KAZN: variants seen among roughly 807,000 people sequenced by gnomAD.
KAZN encodes kazrin, periplakin interacting protein, also known as kazrin.
Under a neutral mutation model 87.4 loss-of-function variants are expected in KAZN, and 40 were observed. The observed-to-expected ratio is 0.46, with a 90% CI of 0.36 to 0.60. KAZN has a LOEUF of 0.60. Among genes scored for constraint, KAZN ranks in the 20% least tolerant of loss-of-function variants. The probability of loss-of-function intolerance (pLI) is 0.00; values close to 1 mark genes in which losing one functional copy is unlikely to be tolerated. For synonymous variants in KAZN, 466 were observed against 458.3 expected (o/e 1.02, Z -0.22); for missense variants, 898 against 1,073.9 (o/e 0.84, Z 2.29).
rs549700135 is a variant in KAZN at position 15,044,208 on chromosome 1, G to A, written c.726+49G>A. ...GGGCCTGGCATCTGCTAGCAGTGCC[G>A]TGCTGGGAGCCGGGACGTCTGGCAC... On this transcript the variant is annotated intron_variant, in intron 4 of 14. Coordinates refer to ENST00000376030, the MANE Select transcript of KAZN (RefSeq NM_201628.3). 3.5e-5 allele frequency: 53 copies of A among 1,497,042 alleles called. No homozygotes were observed. The South Asian group carries it at 4.4e-4, about 12-fold the overall frequency. The allele number at this position is 1,497,042 out of a possible 1,614,324, so 92.7% of individuals were successfully genotyped here.
intron 8 of KAZN, among the ~76,000 whole-genome samples, chr1:15,082,985 C>A (rs916365644): frequency 1.3e-5 from 2 of 152,306 alleles, no homozygotes; most frequent in East Asian, 3.9e-4. Flanking sequence ...GATCTAAAGA[C>A]CACTCTAGGA....
In KAZN at chr1:14,713,271, G is replaced by A. The variant is rs557977574; in HGVS notation, c.226+114048G>A. Among the ~76,000 whole-genome samples the A allele has an allele frequency of 5.9e-5, 9 of 152,268 alleles. No individual in the cohort carries two copies. In the South Asian group the frequency reaches 1.2e-3, roughly 21 times the overall value. ...TTTTCAAGCCTCTGCTTGTTCCATG[G>A]GTGCTAGCATCTCATTGGCCAAAGC... On this transcript the variant is annotated intron_variant, in intron 1 of 14. Transcript: ENST00000376030.
At chr1:14,485,083 T>C (rs1669277125) in intron 2 of KAZN, among the ~76,000 whole-genome samples, 1 of 152,134 alleles carries the variant, frequency 6.6e-6, no homozygotes, top group Non-Finnish European at 1.5e-5. Context: ...TCACTCAATC[T>C]ATCACGTATC....
chr1:14,593,709 G>A (rs970808500), upstream of KAZN, among the ~76,000 whole-genome samples: 1 of 152,186 alleles, frequency 6.6e-6, no homozygotes, highest in South Asian at 2.1e-4. Flanking sequence ...AGTAAATGTT[G>A]AATGTTAAAT....
intron 1 of KAZN, among the ~76,000 whole-genome samples, chr1:14,733,110 C>G (rs1052203920): frequency 1.3e-5 from 2 of 152,118 alleles, no homozygotes; most frequent in Admixed American, 6.5e-5. Context: ...GAGTGTTTCT[C>G]GGGGATCTGT....
At chr1:14,454,626 T>A (rs7532376) in intron 2 of KAZN, among the ~76,000 whole-genome samples, 30,560 of 152,116 alleles carry the variant, frequency 0.2, 3,391 homozygotes, top group African/African-American at 0.27. Context: ...CCAGGAAATG[T>A]TACTTGGCTG....
At chr1:15,080,800 G>A (rs879334701) in intron 8 of KAZN, among the ~76,000 whole-genome samples, 1 of 152,214 alleles carries the variant, frequency 6.6e-6, no homozygotes, top group Non-Finnish European at 1.5e-5. Context: ...GCTGAGAACA[G>A]AGGCCCCGGG....
chr1:13,940,657 G>C (rs1640895494), intron 1 of KAZN, among the ~76,000 whole-genome samples: 1 of 152,038 alleles, frequency 6.6e-6, no homozygotes, highest in Non-Finnish European at 1.5e-5. Context: ...CAATATACAG[G>C]TTAGACACAA....
chr1:15,109,647 G>A (rs545031465), intron 13 of KAZN, among the ~76,000 whole-genome samples: 20 of 29,118 alleles, frequency 6.9e-4, no homozygotes, highest in Admixed American at 1.4e-3. Flanking sequence ...ATGTGTGTTT[G>A]TATGTTTGTG....
intron 1 of KAZN, among the ~76,000 whole-genome samples, chr1:14,790,584 TTAAG>T (rs1272558278): frequency 6.6e-6 from 1 of 152,210 alleles, no homozygotes; most frequent in African/African-American, 2.4e-5. Flanking sequence ...TTTGTTAGCT[TTAAG>T]TATGTGGCAG....
At chr1:14,388,246 C>T (rs1422686290) in intron 2 of KAZN, among the ~76,000 whole-genome samples, 2 of 152,152 alleles carry the variant, frequency 1.3e-5, no homozygotes, top group Non-Finnish European at 2.9e-5. Context: ...CCCGGTACCT[C>T]AGATGGAAAT....
At chr1:15,048,500 G>A (rs986452601) in intron 4 of KAZN, among the ~76,000 whole-genome samples, 2 of 152,178 alleles carry the variant, frequency 1.3e-5, no homozygotes, top group Non-Finnish European at 2.9e-5. Context: ...TGAGCCTACC[G>A]TTGCCCCCGC....
intron 2 of KAZN, among the ~76,000 whole-genome samples, chr1:14,226,066 A>G (rs938595885): frequency 2.6e-5 from 4 of 152,116 alleles, no homozygotes; most frequent in South Asian, 2.1e-4. Context: ...ACAAAACAAC[A>G]AACAACAAAA....
intron 2 of KAZN, among the ~76,000 whole-genome samples, chr1:14,398,858 C>G (rs1469064029): frequency 1.3e-5 from 2 of 150,954 alleles, no homozygotes; most frequent in East Asian, 3.9e-4. Context: ...TCCTTTTCCT[C>G]CCCACATCCA....
At chr1:14,552,009 T>A (rs1673557730) in intron 2 of KAZN, among the ~76,000 whole-genome samples, 1 of 152,198 alleles carries the variant, frequency 6.6e-6, no homozygotes, top group South Asian at 2.1e-4. Context: ...TTCTTTCTTT[T>A]TTTCTTAATG....
intron 2 of KAZN, among the ~76,000 whole-genome samples, chr1:14,505,774 G>A (rs1014175284): frequency 9.9e-5 from 15 of 152,274 alleles, no homozygotes; most frequent in East Asian, 1.9e-4. Flanking sequence ...AGGAGTTTGC[G>A]ACCAGCCTGG....
intron 1 of KAZN, among the ~76,000 whole-genome samples, chr1:14,750,857 C>G (rs768221645): frequency 6.6e-6 from 1 of 152,182 alleles, no homozygotes; most frequent in Non-Finnish European, 1.5e-5. Context: ...ATGAGGCTAT[C>G]ACCAGAAATA....
intron 2 of KAZN, among the ~76,000 whole-genome samples, chr1:14,508,063 C>T (rs993664750): frequency 1.3e-5 from 2 of 152,094 alleles, no homozygotes; most frequent in Non-Finnish European, 2.9e-5. Context: ...TTGTGACCCC[C>T]CAGTACCCTG....
chr1:14,199,568 G>A (rs1646598216), intron 2 of KAZN, among the ~76,000 whole-genome samples: 1 of 152,218 alleles, frequency 6.6e-6, no homozygotes, highest in Non-Finnish European at 1.5e-5. Flanking sequence ...CAGGGCCCAG[G>A]TCTGTCTTGT....
Sources: allele counts gnomAD v4.1 joint callset (sites outside exome capture counted in the v4.1 genomes callset), GRCh38; gene constraint gnomAD v4.1.1; transcripts MANE v1.5; gene names NCBI Gene and HGNC (gene_info 2026-07-23, HGNC 2026-07-21).